ERBB4: variants seen among roughly 807,000 people sequenced by gnomAD.
The protein encoded by ERBB4 is receptor tyrosine-protein kinase erbB-4.
Under a neutral mutation model 158.0 loss-of-function variants are expected in ERBB4, and 42 were observed. The ratio of observed to expected loss-of-function variants is 0.27; its 90% CI spans 0.21 to 0.34. The LOEUF (loss-of-function observed/expected upper bound fraction) is 0.34. ERBB4 is among the 10% of genes least tolerant of loss of function. The pLI, the probability that ERBB4 is intolerant of heterozygous loss-of-function variation, is 1.00. For missense variants in ERBB4, 1,333 were observed against 1,624.1 expected (o/e 0.82, Z 3.08); for synonymous variants, 583 against 558.7 (o/e 1.04, Z -0.61).
chr2:211,796,127 T>C (rs1292468861), intron 3 of ERBB4, among the ~76,000 whole-genome samples: 1 of 151,886 alleles, frequency 6.6e-6, no homozygotes, highest in Non-Finnish European at 1.5e-5. Context: ...GCTTGAGCCA[T>C]ACCAACACCA....
chr2:211,913,686 T>C (rs545521216), intron 3 of ERBB4, among the ~76,000 whole-genome samples: 3 of 151,268 alleles, frequency 2.0e-5, no homozygotes, highest in African/African-American at 7.3e-5. Context: ...TGTATGTGTA[T>C]ATATACATAG....
chr2:212,511,608 TA>T (rs201198528), intron 1 of ERBB4, among the ~76,000 whole-genome samples: 2 of 152,266 alleles, frequency 1.3e-5, no homozygotes, highest in African/African-American at 4.8e-5. Context: ...AATAGATACT[TA>T]TTTTTTTTCA....
chr2:211,436,012 A>G (rs1379777467), intron 20 of ERBB4, among the ~76,000 whole-genome samples: 1 of 151,914 alleles, frequency 6.6e-6, no homozygotes, highest in East Asian at 1.9e-4. Flanking sequence ...GCTGGAGTGC[A>G]GTGGCATGAT....
At chr2:211,684,132 G>C (rs1341128219) in intron 12 of ERBB4, among the ~76,000 whole-genome samples, 1 of 151,978 alleles carries the variant, frequency 6.6e-6, no homozygotes, top group East Asian at 1.9e-4. Context: ...ATACTAATAA[G>C]GGAAGATGGG....
At chr2:212,468,709 G>A (rs879942090) in intron 1 of ERBB4, among the ~76,000 whole-genome samples, 4 of 152,322 alleles carry the variant, frequency 2.6e-5, no homozygotes, top group South Asian at 2.1e-4. Flanking sequence ...GGTATTTCAC[G>A]AGAGTGGTAG....
chr2:211,434,258 AATG>A (rs2063804750), intron 20 of ERBB4, among the ~76,000 whole-genome samples: 1 of 152,158 alleles, frequency 6.6e-6, no homozygotes, highest in Admixed American at 6.6e-5. Context: ...CTATGATCTG[AATG>A]GTTTTATGTC....
At chr2:211,510,172 T>C (rs1189126984) in intron 20 of ERBB4, among the ~76,000 whole-genome samples, 3 of 152,070 alleles carry the variant, frequency 2.0e-5, no homozygotes, top group Non-Finnish European at 4.4e-5. Flanking sequence ...AGCAAAGTCA[T>C]GGAATTAAAC....
In ERBB4 at chr2:211,383,948, G is replaced by A. The variant is rs144904702; in HGVS notation, c.3594C>T (p.Ala1198=). The change falls in exon 28 of 28, where the codon GCC becomes GCT. Residue 1198 remains alanine, a synonymous_variant. Coordinates refer to ENST00000342788, the MANE Select transcript of ERBB4 (RefSeq NM_005235.3). ...YHNASNGPPK[A]EDEYVNEPLY... is the part of the protein sequence containing the mutation. Reference sequence around the variant, plus strand: ...GTGGCTCATTCACATACTCATCCTCGGCCTTGGGTGGACCATTGGATGCAT... The same window carrying A: ...GTGGCTCATTCACATACTCATCCTCAGCCTTGGGTGGACCATTGGATGCAT... The A allele has an allele frequency of 3.8e-4, 612 of 1,613,932 alleles. 3 individuals are homozygous for A. In the African/African-American group the frequency reaches 7.0e-3, roughly 18 times the overall value.
intron 1 of ERBB4, among the ~76,000 whole-genome samples, chr2:212,421,980 A>G (rs1268517402): frequency 5.3e-5 from 8 of 152,210 alleles, no homozygotes; most frequent in African/African-American, 1.9e-4. Flanking sequence ...AAACATGCAG[A>G]AAAGAGTTAT....
intron 1 of ERBB4, among the ~76,000 whole-genome samples, chr2:212,156,227 G>A (rs1484424078): frequency 6.6e-6 from 1 of 152,080 alleles, no homozygotes; most frequent in African/African-American, 2.4e-5. Flanking sequence ...GTAAAGAAAA[G>A]TGGCTTATAA....
intron 2 of ERBB4, among the ~76,000 whole-genome samples, chr2:212,054,201 G>C (rs1266677839): frequency 6.6e-6 from 1 of 152,112 alleles, no homozygotes; most frequent in East Asian, 1.9e-4. Flanking sequence ...TATGTAATAG[G>C]AGAGAAGTGG....
chr2:212,170,491 A>G (rs1414086325), intron 1 of ERBB4, among the ~76,000 whole-genome samples: 1 of 152,214 alleles, frequency 6.6e-6, no homozygotes, highest in Non-Finnish European at 1.5e-5. Context: ...CCAAATGTCA[A>G]TGGCCAAGAC....
chr2:212,380,701 C>T (rs184827592), intron 1 of ERBB4, among the ~76,000 whole-genome samples: 99 of 150,764 alleles, frequency 6.6e-4, no homozygotes, highest in Non-Finnish European at 1.2e-3. Context: ...AGAATTTAGG[C>T]TCTTTGAAAA....
intron 2 of ERBB4, among the ~76,000 whole-genome samples, chr2:211,977,323 T>C (rs1034849818): frequency 6.6e-6 from 1 of 152,070 alleles, no homozygotes; most frequent in African/African-American, 2.4e-5. Context: ...AACATGAGAC[T>C]GTCAGAAAGA....
intron 16 of ERBB4, among the ~76,000 whole-genome samples, chr2:211,633,756 A>G (rs1295276477): frequency 1.3e-5 from 2 of 150,674 alleles, no homozygotes; most frequent in Non-Finnish European, 3.0e-5. Flanking sequence ...ATAGACATAT[A>G]GGAACCTCTA....
chr2:212,258,855 T>C (rs2084834305), intron 1 of ERBB4, among the ~76,000 whole-genome samples: 1 of 151,984 alleles, frequency 6.6e-6, no homozygotes, highest in Non-Finnish European at 1.5e-5. Context: ...GTATCTTCCA[T>C]TAAATTTATT....
chr2:212,254,909 T>C (rs558119173), intron 1 of ERBB4, among the ~76,000 whole-genome samples: 10 of 152,298 alleles, frequency 6.6e-5, no homozygotes, highest in African/African-American at 2.4e-4. Flanking sequence ...AGAGATACTC[T>C]CTGAGAAAGT....
chr2:212,411,140 A>G (rs1313024029), intron 1 of ERBB4, among the ~76,000 whole-genome samples: 1 of 152,102 alleles, frequency 6.6e-6, no homozygotes, highest in Admixed American at 6.6e-5. Flanking sequence ...TAACTAGAAA[A>G]CAAACAAAAA....
intron 7 of ERBB4, among the ~76,000 whole-genome samples, chr2:211,716,643 T>C (rs1048496561): frequency 1.3e-5 from 2 of 151,554 alleles, no homozygotes; most frequent in African/African-American, 4.9e-5. Context: ...GCCACTGCAT[T>C]CCGGCCTGGG....
Sources: gnomAD v4.1 joint callset for allele counts (sites outside exome capture counted in the v4.1 genomes callset) on GRCh38, gnomAD v4.1.1 for gene constraint, MANE v1.5 for transcripts, NCBI Gene and HGNC (gene_info 2026-07-23, HGNC 2026-07-21) for gene names.